NSD1: variants seen among roughly 807,000 people sequenced by gnomAD.
The protein encoded by NSD1 is histone-lysine N-methyltransferase, H3 lysine-36 specific.
In NSD1, 26 loss-of-function variants were observed where a neutral mutation model predicts 242.7. The ratio of observed to expected loss-of-function variants is 0.11; its 90% confidence interval spans 0.08 to 0.15. NSD1 has a LOEUF of 0.15. Among genes scored for constraint, NSD1 ranks in the 10% least tolerant of loss-of-function variants. The probability of loss-of-function intolerance (pLI) is 1.00; values close to 1 mark genes in which losing one functional copy is unlikely to be tolerated. For synonymous variants in NSD1, 1,106 were observed against 1,178.1 expected, an observed-to-expected ratio of 0.94 and a Z score of 1.25; for missense variants, 2,495 against 3,272.8, an observed-to-expected ratio of 0.76 and a Z score of 5.80.
At chr5:177,251,984 T>C in intron 12 of NSD1, 131 bp downstream of exon 12, 1 of 1,113,594 alleles carries the variant, frequency 9.0e-7, no homozygotes, top group Non-Finnish European at 1.3e-6. Context: ...AATGGTGCTG[T>C]GGGGTCACTG....
chr5:177,245,748 G>T lies in NSD1; in HGVS notation c.4379-930G>T, dbSNP rs532960843. ...CCTCCCAGGTTCAAGCGATTCTCCTGCCTCAGCCTCCTGAGTAGCTGGGAC... is the reference window on the plus strand; with the variant it reads ...CCTCCCAGGTTCAAGCGATTCTCCTTCCTCAGCCTCCTGAGTAGCTGGGAC... On this transcript the variant is annotated intron_variant, in intron 9 of 22. Transcript: ENST00000439151. 4.0e-5 allele frequency among the ~76,000 whole-genome samples: 6 copies of T among 150,556 alleles called. No individual in the cohort carries two copies. The South Asian group carries it at 1.0e-3, about 26-fold the overall frequency.
At chr5:177,229,742 A>G (rs1262933920) in intron 5 of NSD1, 1 of 412,476 alleles carries the variant, frequency 2.4e-6, no homozygotes, top group Non-Finnish European at 4.8e-6. Flanking sequence ...GCATCTTTTT[A>G]TGTATTTTTT....
At chr5:177,185,887 A>T (rs1242597070) in intron 2 of NSD1, among the ~76,000 whole-genome samples, 55 of 83,084 alleles carry the variant, frequency 6.6e-4, no homozygotes, top group African/African-American at 2.8e-3. Context: ...AATATATATA[A>T]TATATTTATA....
At chr5:177,219,919 G>A (rs563834716) in intron 5 of NSD1, among the ~76,000 whole-genome samples, 9 of 152,010 alleles carry the variant, frequency 5.9e-5, no homozygotes, top group South Asian at 4.1e-4. Flanking sequence ...CTGAGATCAC[G>A]CCACTGCACT....
At chr5:177,274,934 G>C (rs1223228736) in intron 17 of NSD1, among the ~76,000 whole-genome samples, 2 of 151,542 alleles carry the variant, frequency 1.3e-5, no homozygotes. Flanking sequence ...GGGTTTCGCC[G>C]TGTTGGCCAG....
At chr5:177,173,490 T>TTC (rs1759903178) in intron 2 of NSD1, among the ~76,000 whole-genome samples, 1 of 140,792 alleles carries the variant, frequency 7.1e-6, no homozygotes, top group African/African-American at 2.7e-5. Context: ...TTTTTTTTTT[T>TTC]GCGACGGAGT....
chr5:177,162,952 A>G (rs906419762), intron 2 of NSD1, among the ~76,000 whole-genome samples: 24 of 152,098 alleles, frequency 1.6e-4, no homozygotes, highest in African/African-American at 5.6e-4. Flanking sequence ...GACATGAGCC[A>G]CTATGTTCAG....
chr5:177,202,225 G>C lies in NSD1; in HGVS notation c.1064-1895G>C, dbSNP rs189259837. Among the ~76,000 whole-genome samples, 12 of 150,860 alleles carry C rather than the reference G, an allele frequency of 8.0e-5. No individual in the cohort carries two copies. The East Asian group carries it at 2.1e-3, about 27-fold the overall frequency. ...CATTTGTCTCCTCCCACTTATAATT[G>C]AGTGGTTTTTTTTAAGAAATAAGTG... On this transcript the variant is annotated intron_variant, in intron 3 of 22. Transcript: ENST00000439151.
At chr5:177,139,697 G>A (rs1258633563) in intron 2 of NSD1, among the ~76,000 whole-genome samples, 2 of 152,148 alleles carry the variant, frequency 1.3e-5, no homozygotes, top group African/African-American at 2.4e-5. Flanking sequence ...GCTAACACCT[G>A]TAATTCTAGC....
At chr5:177,232,571 A>G (rs954510038) in intron 5 of NSD1, among the ~76,000 whole-genome samples, 1 of 152,216 alleles carries the variant, frequency 6.6e-6, no homozygotes, top group African/African-American at 2.4e-5. Flanking sequence ...TATCTTTTGC[A>G]TGCACAGCCG....
intron 2 of NSD1, among the ~76,000 whole-genome samples, chr5:177,154,508 G>A (rs1169206423): frequency 6.6e-6 from 1 of 152,112 alleles, no homozygotes; most frequent in Non-Finnish European, 1.5e-5. Context: ...TACATGAAAA[G>A]TTAACCAGTG....
intron 2 of NSD1, among the ~76,000 whole-genome samples, chr5:177,166,490 A>G (rs1759210138): frequency 6.6e-6 from 1 of 151,664 alleles, no homozygotes; most frequent in African/African-American, 2.4e-5. Context: ...GGCTGCAGTG[A>G]GTGAAAATGG....
intron 5 of NSD1, among the ~76,000 whole-genome samples, chr5:177,230,907 G>T (rs149192256): frequency 6.6e-6 from 1 of 152,184 alleles, no homozygotes; most frequent in African/African-American, 2.4e-5. Context: ...GACTGTCTAG[G>T]ATTGAGATCC....
chr5:177,234,303 C>T (rs1765278198), intron 5 of NSD1, among the ~76,000 whole-genome samples: 1 of 152,136 alleles, frequency 6.6e-6, no homozygotes, highest in Non-Finnish European at 1.5e-5. Context: ...ATGAAGATGA[C>T]ATTAACACTG....
At chr5:177,140,905 C>G (rs1221229508) in intron 2 of NSD1, among the ~76,000 whole-genome samples, 1 of 152,104 alleles carries the variant, frequency 6.6e-6, no homozygotes, top group African/African-American at 2.4e-5. Flanking sequence ...CTCTTCTCTA[C>G]CCATCATCCC....
rs1301182448 is a variant in NSD1 at position 177,300,148 on chromosome 5, A to G, written c.*4689A>G. The stretch of plus-strand genomic sequence containing the variant: ...CCCTGTGTTAGGAGTCCCCATAAAC[A>G]TGTACTGTAATTCTTTGTATATAGA... On this transcript the variant is annotated 3_prime_UTR_variant, in exon 23 of 23. Coordinates refer to ENST00000439151, the MANE Select transcript of NSD1 (RefSeq NM_022455.5). 3 of 227,420 alleles carry G rather than the reference A, an allele frequency of 1.3e-5. No homozygotes were observed. The highest frequency in any genetic ancestry group is 6.8e-5 in the African/African-American group (3 of 44,298). The allele number at this position is 227,420 out of a possible 1,614,324, so 14.1% of individuals were successfully genotyped here. A position where few individuals can be genotyped will look rare whatever the true frequency, so the allele number is the denominator to read the frequency against.
chr5:177,167,715 G>A (rs1411545633), intron 2 of NSD1, among the ~76,000 whole-genome samples: 2 of 152,056 alleles, frequency 1.3e-5, no homozygotes, highest in East Asian at 1.9e-4. Context: ...TCAGATATAC[G>A]ATGGTTTTAC....
chr5:177,135,254 T>C lies in NSD1; in HGVS notation c.151T>C (p.Ser51Pro), dbSNP rs778646937. The C allele has an allele frequency of 6.2e-6, 10 of 1,613,716 alleles. No individual in the cohort carries two copies. The highest frequency in any genetic ancestry group is 3.3e-5 in the Admixed American group (2 of 60,000). The change falls in exon 2 of 23, where the codon TCG becomes CCG. Residue 51 changes from serine to proline, a missense_variant. By Grantham distance (74) the Ser-to-Pro change is moderately conservative (BLOSUM62 -1). Transcript: ENST00000439151. ...ACTTAATGGGTGTACTATGCAGTTA[T>C]CGACTGTCAGTGGAACATCCCAAAA... The part of the protein sequence containing the change: ...EPLNGCTMQL[S>P]TVSGTSQNAY...
At chr5:177,226,930 G>A (rs1764677981) in intron 5 of NSD1, among the ~76,000 whole-genome samples, 1 of 152,156 alleles carries the variant, frequency 6.6e-6, no homozygotes, top group Admixed American at 6.5e-5. Context: ...ATTTCCAATG[G>A]TTTTTTATTT....
Sources: allele counts gnomAD v4.1 joint callset (sites outside exome capture counted in the v4.1 genomes callset), GRCh38; gene constraint gnomAD v4.1.1; transcripts MANE v1.5; gene names NCBI Gene and HGNC (gene_info 2026-07-23, HGNC 2026-07-21).